The following LPXN variants were observed in gnomAD, a reference collection of about 807,000 sequenced individuals.
The protein encoded by LPXN is leupaxin.
A neutral mutation model predicts 45.6 loss-of-function variants in LPXN; 28 were observed. The observed-to-expected ratio is 0.61, with a 90% CI of 0.45 to 0.84. The LOEUF (loss-of-function observed/expected upper bound fraction) is 0.84, where lower values mean the gene tolerates loss of function less well. LPXN is among the 40% of genes least tolerant of loss of function. LPXN has a pLI of 0.00. For synonymous variants in LPXN, 166 were observed against 169.9 expected, an observed-to-expected ratio of 0.98 and a Z score of 0.18; for missense variants, 459 against 475.0, an observed-to-expected ratio of 0.97 and a Z score of 0.31.
At chr11:58,574,187 A>T (rs1458931722) in intron 1 of LPXN, among the ~76,000 whole-genome samples, 3 of 152,222 alleles carry the variant, frequency 2.0e-5, no homozygotes, top group Non-Finnish European at 4.4e-5. Context: ...CTTCCAGGCT[A>T]CTTGGTACTT....
chr11:58,549,887 ATAT>A lies in LPXN; in HGVS notation c.661-23_661-21del. 1 of 1,614,036 alleles carries A rather than the reference ATAT, an allele frequency of 6.2e-7. No individual in the cohort carries two copies. The highest frequency in any genetic ancestry group is 8.5e-7 in the Non-Finnish European group (1 of 1,179,876). ...CACTTTCTGGAAAGGGAACACACAG[ATAT>A]TATAATGATGCAGAAGTTGTAAAGC... On this transcript the variant is annotated intron_variant, in intron 6 of 8. Coordinates refer to ENST00000395074, the MANE Select transcript of LPXN (RefSeq NM_004811.3).
intron 7 of LPXN, among the ~76,000 whole-genome samples, chr11:58,540,193 GCAGC>G: frequency 6.6e-6 from 1 of 152,228 alleles, no homozygotes; most frequent in Admixed American, 6.5e-5. Flanking sequence ...TCATGAGAAA[GCAGC>G]CAGTCAAATA....
intron 7 of LPXN, 31 bp from the exon 8 acceptor site, chr11:58,528,222 G>A: frequency 1.2e-6 from 2 of 1,606,036 alleles, no homozygotes; most frequent in Non-Finnish European, 1.7e-6. Flanking sequence ...ATTCACTGTT[G>A]CAGGTTGAGC....
chr11:58,557,448 A>G (rs1854238951), intron 3 of LPXN, among the ~76,000 whole-genome samples: 1 of 152,240 alleles, frequency 6.6e-6, no homozygotes, highest in Admixed American at 6.5e-5. Context: ...ACCAAGTTAA[A>G]TAAGAAAGAA....
chr11:58,534,402 A>C (rs1263135005), intron 7 of LPXN, among the ~76,000 whole-genome samples: 1 of 152,210 alleles, frequency 6.6e-6, no homozygotes, highest in Non-Finnish European at 1.5e-5. Context: ...ATGGAAACTG[A>C]AAACCTGCTC....
intron 7 of LPXN, among the ~76,000 whole-genome samples, chr11:58,536,677 A>C (rs1853563340): frequency 6.6e-6 from 1 of 152,236 alleles, no homozygotes; most frequent in Non-Finnish European, 1.5e-5. Flanking sequence ...ATTAAATTAA[A>C]GAGCTTCTGC....
chr11:58,528,246 C>T (rs1853287701), intron 7 of LPXN, 55 bp from the exon 8 acceptor site: 14 of 1,558,582 alleles, frequency 9.0e-6, no homozygotes, highest in Non-Finnish European at 1.1e-5. Flanking sequence ...GAAAGCTACA[C>T]TGGAGACTGA....
At position 58,549,357 on chromosome 11, in the gene LPXN, G is replaced by T. The variant is rs553338972; in HGVS notation, c.742+429C>A. Among the ~76,000 whole-genome samples, 15 of 152,254 alleles carry T rather than the reference G, an allele frequency of 9.9e-5. No individual in the cohort carries two copies. In the South Asian group the frequency reaches 3.1e-3, roughly 32 times the overall value. On this transcript the variant is annotated intron_variant, in intron 7 of 8. Coordinates refer to ENST00000395074, the MANE Select transcript of LPXN (RefSeq NM_004811.3). ...TGCAGTGGGCGGAGATCGCACCAGA[G>T]ATCGCACCACTGCACTCCAGCCTGG...
At chr11:58,528,315 T>C in intron 7 of LPXN, 124 bp from the exon 8 acceptor site, 1 of 868,126 alleles carries the variant, frequency 1.2e-6, no homozygotes, top group South Asian at 1.7e-5. Context: ...TACTGTTACC[T>C]AATTCAAAGG....
At chr11:58,546,332 A>G (rs2120292395) in intron 7 of LPXN, among the ~76,000 whole-genome samples, 1 of 152,318 alleles carries the variant, frequency 6.6e-6, no homozygotes, top group South Asian at 2.1e-4. Context: ...GAACCATTAG[A>G]AAGTTAGATG....
rs1356886787 is a variant in LPXN, at chr11:58,570,552, T to A, written c.171+4A>T. 1.2e-6 allele frequency: 2 copies of A among 1,604,020 alleles called. No homozygotes were observed. The highest frequency in any genetic ancestry group is 8.5e-7 in the Non-Finnish European group (1 of 1,174,532). ...TTTAAGGACTATAATAAATGAAAAT[T>A]TACCGGCAAGGGACTTGTGTTATCC... On this transcript the variant is annotated splice_donor_region_variant and intron_variant, in intron 2 of 8. Transcript: ENST00000395074.
chr11:58,529,817 C>T (rs534971524), intron 7 of LPXN, among the ~76,000 whole-genome samples: 1 of 152,262 alleles, frequency 6.6e-6, no homozygotes, highest in Admixed American at 6.5e-5. Flanking sequence ...GTGATTTCTG[C>T]ATTTCCAACT....
At chr11:58,554,718 A>G (rs1854150817) in intron 4 of LPXN, 123 bp downstream of exon 4, 1 of 639,330 alleles carries the variant, frequency 1.6e-6, no homozygotes, top group Non-Finnish European at 2.6e-6. Flanking sequence ...ACAACTTAGG[A>G]AAATTCCTAA....
At chr11:58,565,153 T>C (rs1465518747) in intron 2 of LPXN, among the ~76,000 whole-genome samples, 1 of 152,216 alleles carries the variant, frequency 6.6e-6, no homozygotes, top group East Asian at 1.9e-4. Flanking sequence ...TATGTGTTTA[T>C]TGGCCAGGCA....
intron 4 of LPXN, 47 bp downstream of exon 4, chr11:58,554,794 C>G: frequency 1.4e-6 from 2 of 1,476,202 alleles, no homozygotes; most frequent in Non-Finnish European, 1.9e-6. Context: ...TGTTTATCAT[C>G]TGGACTGCAC....
chr11:58,532,362 G>A lies in LPXN; in HGVS notation c.743-4171C>T, dbSNP rs369872862. Among the ~76,000 whole-genome samples the A allele has an allele frequency of 9.9e-4, 151 of 152,374 alleles. 1 individual carries two copies. In the South Asian group the frequency reaches 0.012, roughly 13 times the overall value. On this transcript the variant is annotated intron_variant, in intron 7 of 8. Coordinates refer to ENST00000395074, the MANE Select transcript of LPXN (RefSeq NM_004811.3). ...ACGAGACTGGAGGGCAGCTCCGCCCGCAGCCCTGGCATGGGATCCACTAGG... is the reference window on the plus strand; with the variant it reads ...ACGAGACTGGAGGGCAGCTCCGCCCACAGCCCTGGCATGGGATCCACTAGG...
chr11:58,560,140 A>C (rs1854329842), intron 3 of LPXN, among the ~76,000 whole-genome samples: 1 of 152,236 alleles, frequency 6.6e-6, no homozygotes, highest in African/African-American at 2.4e-5. Flanking sequence ...TTTTTAAAAC[A>C]AAACAAAACA....
intron 4 of LPXN, among the ~76,000 whole-genome samples, chr11:58,553,220 C>T (rs1590558953): frequency 6.6e-6 from 1 of 151,484 alleles, no homozygotes; most frequent in South Asian, 2.1e-4. Flanking sequence ...CCTGTAATCA[C>T]AGCTACTCAG....
chr11:58,547,373 G>A (rs543783416), intron 7 of LPXN, among the ~76,000 whole-genome samples: 85 of 152,284 alleles, frequency 5.6e-4, no homozygotes, highest in African/African-American at 1.9e-3. Flanking sequence ...GTCAAGACAC[G>A]TAAAGGGCAA....
Sources: allele counts gnomAD v4.1 joint callset (sites outside exome capture counted in the v4.1 genomes callset), GRCh38; gene constraint gnomAD v4.1.1; transcripts MANE v1.5; gene names NCBI Gene and HGNC (gene_info 2026-07-23, HGNC 2026-07-21).